The following LNPK variants were observed in gnomAD, a reference collection of about 807,000 sequenced individuals.
LNPK encodes endoplasmic reticulum junction formation protein lunapark.
In LNPK, 29 loss-of-function variants were observed where a neutral mutation model predicts 55.2. That is an observed-to-expected ratio of 0.53 (90% CI 0.39 to 0.72). The LOEUF is 0.72. Ranked by LOEUF, LNPK falls within the 30% of genes least tolerant of loss-of-function variation. The pLI is 0.00. For missense variants in LNPK, 467 were observed against 494.8 expected, an observed-to-expected ratio of 0.94 and a Z score of 0.53; for synonymous variants, 162 against 168.2, an observed-to-expected ratio of 0.96 and a Z score of 0.29.
intron 12 of LNPK, among the ~76,000 whole-genome samples, chr2:175,936,409 A>C (rs1379034054): frequency 6.6e-6 from 1 of 152,208 alleles, no homozygotes; most frequent in Non-Finnish European, 1.5e-5. Context: ...TACAGTACTC[A>C]ATGTTTTTAT....
intron 8 of LNPK, among the ~76,000 whole-genome samples, chr2:175,958,938 T>C (rs527725490): frequency 2.3e-4 from 35 of 152,256 alleles, no homozygotes; most frequent in African/African-American, 8.4e-4. Flanking sequence ...CAAGCTTCAG[T>C]AGCCGATTTC....
chr2:175,999,816 A>G (rs1688095716), intron 1 of LNPK, among the ~76,000 whole-genome samples: 2 of 152,068 alleles, frequency 1.3e-5, no homozygotes, highest in Non-Finnish European at 2.9e-5. Context: ...CCCAGGCTGG[A>G]GTGCAGTGGC....
intron 2 of LNPK, 116 bp downstream of exon 2, chr2:175,995,438 AAGTT>A: frequency 3.1e-6 from 2 of 643,620 alleles, no homozygotes; most frequent in Non-Finnish European, 5.1e-6. Flanking sequence ...GAGAAGAAAA[AAGTT>A]AAGGAAAATA....
intron 8 of LNPK, among the ~76,000 whole-genome samples, chr2:175,960,187 C>T (rs1685939267): frequency 6.6e-6 from 1 of 152,178 alleles, no homozygotes; most frequent in South Asian, 2.1e-4. Context: ...ACGACTTGAA[C>T]TCAGCTCTGC....
chr2:175,934,494 T>C (rs1272363824), intron 12 of LNPK, among the ~76,000 whole-genome samples: 2 of 152,134 alleles, frequency 1.3e-5, no homozygotes, highest in South Asian at 2.1e-4. Context: ...AATAACTGCA[T>C]GAGACCTAGA....
At chr2:175,978,102 T>G (rs1343753543) in intron 5 of LNPK, among the ~76,000 whole-genome samples, 1 of 152,076 alleles carries the variant, frequency 6.6e-6, no homozygotes, top group Non-Finnish European at 1.5e-5. Context: ...GCCCTCCATA[T>G]GGATTAGTTC....
At chr2:175,981,165 A>G (rs1687158502) in intron 4 of LNPK, among the ~76,000 whole-genome samples, 2 of 152,160 alleles carry the variant, frequency 1.3e-5, no homozygotes, top group African/African-American at 4.8e-5. Flanking sequence ...TGTGCCACCA[A>G]CAGCATGGCA....
chr2:175,989,731 G>A (rs1330733837), intron 4 of LNPK, among the ~76,000 whole-genome samples: 1 of 152,058 alleles, frequency 6.6e-6, no homozygotes, highest in Non-Finnish European at 1.5e-5. Flanking sequence ...TTAAGTTTCA[G>A]TAATAGTTGA....
chr2:175,977,158 C>T (rs1288718618), intron 5 of LNPK, among the ~76,000 whole-genome samples: 1 of 152,084 alleles, frequency 6.6e-6, no homozygotes, highest in African/African-American at 2.4e-5. Flanking sequence ...AGGGAAGAGA[C>T]TGGACTAAAG....
intron 2 of LNPK, 80 bp downstream of exon 2, chr2:175,995,478 C>A: frequency 9.1e-7 from 1 of 1,100,258 alleles, no homozygotes; most frequent in South Asian, 1.5e-5. Context: ...AGGCTATAAT[C>A]AAAGGAGACT....
chr2:175,975,968 G>A (rs1227057190), intron 5 of LNPK, among the ~76,000 whole-genome samples: 4 of 152,104 alleles, frequency 2.6e-5, no homozygotes, highest in South Asian at 2.1e-4. Flanking sequence ...ACCTGAGATC[G>A]TGCCACTGCA....
intron 8 of LNPK, among the ~76,000 whole-genome samples, chr2:175,951,499 T>TA (rs1685400854): frequency 1.3e-5 from 2 of 150,558 alleles, no homozygotes; most frequent in South Asian, 4.2e-4. Context: ...TTACTTCACT[T>TA]AGAGTAATAG....
At chr2:175,998,318 C>T (rs1338572445) in intron 1 of LNPK, among the ~76,000 whole-genome samples, 1 of 151,872 alleles carries the variant, frequency 6.6e-6, no homozygotes, top group Non-Finnish European at 1.5e-5. Flanking sequence ...GTGGCAGGTG[C>T]CTATAATCCC....
chr2:175,991,484 A>G (rs1273791302), intron 4 of LNPK, among the ~76,000 whole-genome samples: 1 of 152,204 alleles, frequency 6.6e-6, no homozygotes, highest in African/African-American at 2.4e-5. Context: ...CCTGCACTAA[A>G]GACTAAACAA....
chr2:175,953,414 T>C (rs984570663), intron 8 of LNPK, among the ~76,000 whole-genome samples: 1 of 152,124 alleles, frequency 6.6e-6, no homozygotes, highest in African/African-American at 2.4e-5. Flanking sequence ...AGCATCTTGC[T>C]ATAACTCCCA....
intron 8 of LNPK, among the ~76,000 whole-genome samples, chr2:175,962,348 C>A (rs911308311): frequency 2.0e-5 from 3 of 151,984 alleles, no homozygotes; most frequent in South Asian, 2.1e-4. Context: ...ACTCGTACCA[C>A]AACAGATATA....
Position 175,992,164 on chromosome 2 carries a change from A to G in LNPK, c.257+67T>C. 3.1e-6 allele frequency: 3 copies of G among 967,930 alleles called. No individual in the cohort carries two copies. The Middle Eastern group carries it at 7.3e-4, about 236-fold the overall frequency. The allele number at this position is 967,930 out of a possible 1,614,324, so 60.0% of individuals were successfully genotyped here. ...AATAATAAAGAGACCGAATATACAT[A>G]TTAGATATACATTAAGACTCTCTAG... On this transcript the variant is annotated intron_variant, in intron 4 of 12. Coordinates refer to ENST00000272748, the MANE Select transcript of LNPK (RefSeq NM_030650.3).
intron 6 of LNPK, 133 bp from the exon 7 acceptor site, chr2:175,964,722 T>C: frequency 1.6e-6 from 1 of 617,536 alleles, no homozygotes; most frequent in Non-Finnish European, 2.9e-6. Flanking sequence ...ATTCGAATAA[T>C]TAAAATCCAG....
chr2:175,930,053 A>C lies in LNPK; in HGVS notation c.1201T>G (p.Ser401Ala). 1.2e-6 allele frequency: 2 copies of C among 1,614,064 alleles called. No individual in the cohort carries two copies. The highest frequency in any genetic ancestry group is 1.7e-6 in the Non-Finnish European group (2 of 1,179,954). The change falls in exon 13 of 13, where the codon TCA (serine) becomes GCA (alanine). Residue 401 changes from serine to alanine, a missense_variant. Transcript: ENST00000272748. Reference protein sequence around the residue: ...EKQETENEEASVIETNSTVPG... With the variant: ...EKQETENEEAAVIETNSTVPG... ...ACTGTGGAGTTGGTTTCAATCACTG[A>C]GGCTTCCTCATTCTCAGTCTCTTGT...
Sources: allele counts gnomAD v4.1 joint callset (sites outside exome capture counted in the v4.1 genomes callset), GRCh38; gene constraint gnomAD v4.1.1; transcripts MANE v1.5; gene names NCBI Gene and HGNC (gene_info 2026-07-23, HGNC 2026-07-21).